PCDH15: variants seen among roughly 807,000 people sequenced by gnomAD.
PCDH15 encodes protocadherin-15.
PCDH15 carries 129 observed loss-of-function variants against 178.5 expected under a neutral mutation model. The ratio of observed to expected loss-of-function variants is 0.72; its 90% CI spans 0.63 to 0.84. The LOEUF (loss-of-function observed/expected upper bound fraction) is 0.84. PCDH15 is among the 40% of genes least tolerant of loss of function. The probability of loss-of-function intolerance (pLI) is 0.00; values close to 1 mark genes in which losing one functional copy is unlikely to be tolerated. For synonymous variants in PCDH15, 800 were observed against 732.0 expected (o/e 1.09, Z -1.50); for missense variants, 2,230 against 2,099.9 (o/e 1.06, Z -1.21).
At chr10:55,308,541 T>C (rs1367817334) in intron 1 of PCDH15, among the ~76,000 whole-genome samples, 1 of 152,160 alleles carries the variant, frequency 6.6e-6, no homozygotes, top group African/African-American at 2.4e-5. Context: ...AATCATTTTC[T>C]AATACAGAGA....
At chr10:55,258,727 A>G (rs1173474793) in intron 1 of PCDH15, among the ~76,000 whole-genome samples, 2 of 147,548 alleles carry the variant, frequency 1.4e-5, no homozygotes, top group African/African-American at 5.0e-5. Context: ...AACTGACCCA[A>G]TAGTTTCATA....
chr10:55,287,303 A>G (rs993591652), intron 1 of PCDH15, among the ~76,000 whole-genome samples: 6 of 152,088 alleles, frequency 3.9e-5, no homozygotes, highest in Non-Finnish European at 8.8e-5. Context: ...ATATTCACCT[A>G]CATAGCCCCT....
At chr10:55,439,534 G>T (rs991451937) in intron 2 of PCDH15, among the ~76,000 whole-genome samples, 1 of 151,904 alleles carries the variant, frequency 6.6e-6, no homozygotes, top group Non-Finnish European at 1.5e-5. Flanking sequence ...ATAAAAGTTG[G>T]GGGGGAGGGA....
At chr10:54,379,381 A>C (rs1948894591) in intron 3 of PCDH15, among the ~76,000 whole-genome samples, 1 of 152,158 alleles carries the variant, frequency 6.6e-6, no homozygotes, top group Non-Finnish European at 1.5e-5. Flanking sequence ...ATAGATTTTT[A>C]AAAAGTAGCT....
intron 2 of PCDH15, among the ~76,000 whole-genome samples, chr10:54,636,410 G>A (rs1245275529): frequency 6.6e-6 from 1 of 151,902 alleles, no homozygotes; most frequent in Non-Finnish European, 1.5e-5. Context: ...GTAAGCAGAT[G>A]TTTCTAAGTG....
intron 2 of PCDH15, among the ~76,000 whole-genome samples, chr10:55,146,925 T>G (rs1838529241): frequency 6.6e-6 from 1 of 151,372 alleles, no homozygotes; most frequent in African/African-American, 2.4e-5. Context: ...TGTGTATATG[T>G]GGCGGGGTGG....
intron 3 of PCDH15, among the ~76,000 whole-genome samples, chr10:54,809,979 A>G (rs540006764): frequency 6.6e-6 from 1 of 152,312 alleles, no homozygotes; most frequent in African/African-American, 2.4e-5. Context: ...CAACTTAAAC[A>G]TTCAGAGGAG....
intron 8 of PCDH15, among the ~76,000 whole-genome samples, chr10:54,276,466 T>C (rs144581039): frequency 5.5e-4 from 84 of 151,840 alleles, no homozygotes; most frequent in African/African-American, 1.9e-3. Flanking sequence ...CCCATCCTAT[T>C]GAAAACAATT....
intron 2 of PCDH15, among the ~76,000 whole-genome samples, chr10:55,348,087 T>A (rs1294905283): frequency 1.3e-5 from 2 of 152,102 alleles, no homozygotes; most frequent in Non-Finnish European, 2.9e-5. Flanking sequence ...CAAGGAATAC[T>A]TGGGCCCACA....
intron 2 of PCDH15, among the ~76,000 whole-genome samples, chr10:54,954,493 A>G (rs1291761725): frequency 6.6e-6 from 1 of 151,180 alleles, no homozygotes; most frequent in African/African-American, 2.4e-5. Flanking sequence ...TATGAAATTT[A>G]GCAATTTTGC....
intron 21 of PCDH15, among the ~76,000 whole-genome samples, chr10:53,965,153 G>A (rs2088869203): frequency 6.6e-6 from 1 of 151,568 alleles, no homozygotes; most frequent in South Asian, 2.1e-4. Flanking sequence ...CGCCTCTCAG[G>A]TTCAAGTGAT....
chr10:55,122,848 G>A (rs1221359258), intron 2 of PCDH15, among the ~76,000 whole-genome samples: 1 of 151,950 alleles, frequency 6.6e-6, no homozygotes, highest in Non-Finnish European at 1.5e-5. Flanking sequence ...CATTAACAGA[G>A]TAACTCAAAT....
At chr10:54,518,314 G>C (rs528942042) in intron 3 of PCDH15, among the ~76,000 whole-genome samples, 5 of 151,894 alleles carry the variant, frequency 3.3e-5, no homozygotes, top group Non-Finnish European at 7.4e-5. Context: ...TAGACCGCTA[G>C]CAAGACTAAT....
chr10:55,396,383 C>T (rs565347270), intron 2 of PCDH15, among the ~76,000 whole-genome samples: 1 of 152,252 alleles, frequency 6.6e-6, no homozygotes, highest in African/African-American at 2.4e-5. Flanking sequence ...TGTCAATATT[C>T]ACACCATCCA....
At chr10:55,195,513 G>A (rs913754357) in intron 1 of PCDH15, among the ~76,000 whole-genome samples, 6 of 150,374 alleles carry the variant, frequency 4.0e-5, no homozygotes, top group Admixed American at 3.3e-4. Context: ...AAAATTAGGC[G>A]GGCATGGTGG....
At chr10:53,969,155 G>T (rs1385147357) in intron 21 of PCDH15, among the ~76,000 whole-genome samples, 1 of 152,114 alleles carries the variant, frequency 6.6e-6, no homozygotes, top group East Asian at 1.9e-4. Context: ...GTGTAGAGAA[G>T]ACCTTAAATG....
In PCDH15 at chr10:55,346,431, T is replaced by G. The variant is rs114534283; in HGVS notation, c.-155-179780A>C. ...CTTGATTTTCTTTGGAGGATCAGCT[T>G]TCCCTTAATTCTTATAATATACTCT... is the stretch of plus-strand genomic sequence containing the variant. On this transcript the variant is annotated intron_variant, in intron 2 of 5. Coordinates refer to the PCDH15 transcript ENST00000613346. Among the ~76,000 whole-genome samples the G allele has an allele frequency of 5.6e-3, 852 of 152,256 alleles. 10 individuals carry two copies. Among genetic ancestry groups the G allele is most frequent in the African/African-American group, 0.02 (813 of 41,566 alleles).
chr10:54,605,194 G>A lies in PCDH15; in HGVS notation c.91+58978C>T, dbSNP rs1160699076. Among the ~76,000 whole-genome samples the A allele has an allele frequency of 7.2e-5, 11 of 151,840 alleles. No homozygotes were observed. In the South Asian group the frequency reaches 1.5e-3, roughly 20 times the overall value. The stretch of plus-strand genomic sequence containing the variant: ...TACCTACCACAACCACAATAATATA[G>A]TATTTTTTATTTGCCTCTATAAATT... On this transcript the variant is annotated intron_variant, in intron 2 of 37. Transcript: ENST00000644397.
chr10:53,999,819 C>A (rs940252362), intron 20 of PCDH15, among the ~76,000 whole-genome samples: 10 of 152,284 alleles, frequency 6.6e-5, no homozygotes, highest in Non-Finnish European at 1.5e-5. Flanking sequence ...GCTTTGCCAC[C>A]TGCTGATTAT....
Sources: allele counts gnomAD v4.1 joint callset (sites outside exome capture counted in the v4.1 genomes callset), GRCh38; gene constraint gnomAD v4.1.1; transcripts MANE v1.5; gene names NCBI Gene and HGNC (gene_info 2026-07-23, HGNC 2026-07-21).